CDH8: variants seen among roughly 807,000 people sequenced by gnomAD.
CDH8 encodes the protein cadherin 8, also known as cadherin-8.
In CDH8, 17 loss-of-function variants were observed where a neutral mutation model predicts 68.1. The observed-to-expected ratio is 0.25, with a 90% CI of 0.17 to 0.37. CDH8 has a LOEUF of 0.37. Ranked by LOEUF, CDH8 falls within the 10% of genes least tolerant of loss-of-function variation. CDH8 has a pLI of 1.00. For synonymous variants in CDH8, 372 were observed against 365.1 expected (o/e 1.02, Z -0.21); for missense variants, 763 against 999.3 (o/e 0.76, Z 3.19).
chr16:61,950,840 G>T (rs1360882898), intron 2 of CDH8, among the ~76,000 whole-genome samples: 1 of 152,098 alleles, frequency 6.6e-6, no homozygotes, highest in Non-Finnish European at 1.5e-5. Flanking sequence ...GAAGCTAAAT[G>T]ATGAGAATTC....
At chr16:61,848,374 A>C (rs1314959635) in intron 4 of CDH8, among the ~76,000 whole-genome samples, 2 of 151,988 alleles carry the variant, frequency 1.3e-5, no homozygotes, top group Admixed American at 6.6e-5. Context: ...CATTTCTTTG[A>C]CTCTAGCTAT....
intron 2 of CDH8, among the ~76,000 whole-genome samples, chr16:61,914,138 C>T (rs1026757196): frequency 1.3e-5 from 2 of 152,164 alleles, no homozygotes; most frequent in African/African-American, 4.8e-5. Flanking sequence ...AGGCACCCAT[C>T]ACAAACCAAG....
At chr16:62,007,711 T>C (rs1802669090) in intron 2 of CDH8, among the ~76,000 whole-genome samples, 1 of 152,170 alleles carries the variant, frequency 6.6e-6, no homozygotes, top group Admixed American at 6.5e-5. Context: ...AATCACTCAG[T>C]GGACCCTGAA....
intron 10 of CDH8, among the ~76,000 whole-genome samples, chr16:61,707,980 T>G (rs1485748267): frequency 6.6e-6 from 1 of 152,056 alleles, no homozygotes; most frequent in Non-Finnish European, 1.5e-5. Context: ...ATGAAAAACA[T>G]TTTTTCTAAA....
intron 11 of CDH8, 66 bp downstream of exon 11, chr16:61,655,404 T>C (rs1963419765): frequency 1.4e-6 from 2 of 1,448,304 alleles, no homozygotes; most frequent in Non-Finnish European, 1.9e-6. Context: ...GAGTTTTCTG[T>C]CCTTATTTAC....
intron 9 of CDH8, among the ~76,000 whole-genome samples, chr16:61,715,256 TA>T (rs1964703278): frequency 6.6e-6 from 1 of 151,578 alleles, no homozygotes; most frequent in Non-Finnish European, 1.5e-5. Flanking sequence ...CAAAATAACA[TA>T]AAATAATTTA....
intron 3 of CDH8, among the ~76,000 whole-genome samples, chr16:61,872,432 C>T (rs899583359): frequency 2.5e-4 from 38 of 152,216 alleles, no homozygotes; most frequent in Middle Eastern, 3.4e-3. Context: ...CTCAAAATGA[C>T]GGCTTCTAGG....
intron 3 of CDH8, among the ~76,000 whole-genome samples, chr16:61,895,016 G>C (rs911683707): frequency 1.3e-5 from 2 of 151,996 alleles, no homozygotes; most frequent in African/African-American, 4.8e-5. Flanking sequence ...TTATCACATA[G>C]CTCTTCATTA....
At chr16:62,013,261 C>CAAAAAAA (rs1165564723) in intron 2 of CDH8, among the ~76,000 whole-genome samples, 3 of 6,394 alleles carry the variant, frequency 4.7e-4, no homozygotes, top group African/African-American at 1.5e-3. Flanking sequence ...GACTCCGTCT[C>CAAAAAAA]AAAAAAAAAA....
intron 7 of CDH8, among the ~76,000 whole-genome samples, chr16:61,796,587 A>G (rs771736437): frequency 2.6e-5 from 4 of 152,080 alleles, no homozygotes; most frequent in Non-Finnish European, 5.9e-5. Context: ...ATTGTCCTTG[A>G]TAACTAATAT....
At chr16:61,769,646 A>AT (rs1960727623) in intron 8 of CDH8, among the ~76,000 whole-genome samples, 2 of 120,522 alleles carry the variant, frequency 1.7e-5, no homozygotes, top group South Asian at 5.0e-4. Flanking sequence ...TTGAATCAAC[A>AT]TTTCCAAATG....
At chr16:61,859,506 C>A (rs1370225196) in intron 3 of CDH8, among the ~76,000 whole-genome samples, 1 of 152,150 alleles carries the variant, frequency 6.6e-6, no homozygotes, top group Non-Finnish European at 1.5e-5. Flanking sequence ...AGTTAAAGAG[C>A]AAACCCATAT....
At position 61,653,744 on chromosome 16, in the gene CDH8, A is replaced by G. The variant is rs1417449765; in HGVS notation, c.2264T>C (p.Val755Ala). The change falls in exon 12 of 12, where the codon GTG (valine) becomes GCG (alanine). Residue 755 changes from valine to alanine, a missense_variant. Coordinates refer to ENST00000577390, the MANE Select transcript of CDH8 (RefSeq NM_001796.5). ...CTCCAAGGAGCTGAGGGAGCCAGCCACTGACCCTCGGCCTTCATAGCCATA... is the reference window on the plus strand; with the variant it reads ...CTCCAAGGAGCTGAGGGAGCCAGCCGCTGACCCTCGGCCTTCATAGCCATA... ...QIYGYEGRGSVAGSLSSLEST... is the reference protein window; with the variant it reads ...QIYGYEGRGSAAGSLSSLEST... 6.2e-7 allele frequency: 1 copy of G among 1,614,206 alleles called. No individual in the cohort carries two copies. The highest frequency in any genetic ancestry group is 8.5e-7 in the Non-Finnish European group (1 of 1,180,042).
chr16:61,932,206 TC>T (rs1964553985), intron 2 of CDH8, among the ~76,000 whole-genome samples: 1 of 96,530 alleles, frequency 1.0e-5, no homozygotes, highest in East Asian at 3.5e-4. Flanking sequence ...AAACTCCGTC[TC>T]AAAAAAAAAA....
At chr16:62,004,349 C>T (rs1034741639) in intron 2 of CDH8, among the ~76,000 whole-genome samples, 2 of 152,134 alleles carry the variant, frequency 1.3e-5, no homozygotes, top group East Asian at 1.9e-4. Context: ...ATTGAAGCCT[C>T]GCTTTGTCTA....
intron 10 of CDH8, among the ~76,000 whole-genome samples, chr16:61,676,809 T>C (rs1963921245): frequency 6.6e-6 from 1 of 152,110 alleles, no homozygotes; most frequent in South Asian, 2.1e-4. Flanking sequence ...CTCATCAAGA[T>C]GTAGAACATT....
chr16:61,851,259 CAA>C (rs1284466035), intron 4 of CDH8, among the ~76,000 whole-genome samples: 1 of 151,192 alleles, frequency 6.6e-6, no homozygotes, highest in Non-Finnish European at 1.5e-5. Context: ...TTTTTTTTCC[CAA>C]GGAATATTTT....
At chr16:61,955,930 A>G (rs951453365) in intron 2 of CDH8, among the ~76,000 whole-genome samples, 5 of 152,206 alleles carry the variant, frequency 3.3e-5, no homozygotes, top group Non-Finnish European at 7.3e-5. Context: ...ATAGCATGTA[A>G]ATAAAAGCTA....
intron 10 of CDH8, among the ~76,000 whole-genome samples, chr16:61,666,832 C>A (rs531233346): frequency 6.6e-6 from 1 of 151,876 alleles, no homozygotes; most frequent in South Asian, 2.1e-4. Flanking sequence ...AAAAACCCAG[C>A]AAAGCAATAA....
Sources: allele counts gnomAD v4.1 joint callset (sites outside exome capture counted in the v4.1 genomes callset), GRCh38; gene constraint gnomAD v4.1.1; transcripts MANE v1.5; gene names NCBI Gene and HGNC (gene_info 2026-07-23, HGNC 2026-07-21).